Variants in PLPPR1 observed in about 807,000 individuals in gnomAD.
PLPPR1 encodes phospholipid phosphatase-related protein type 1.
In PLPPR1, 10 loss-of-function variants were observed where a neutral mutation model predicts 33.1. The ratio of observed to expected loss-of-function variants is 0.30; its 90% CI spans 0.19 to 0.51. PLPPR1 has a LOEUF of 0.51. PLPPR1 is among the 20% of genes least tolerant of loss of function. The pLI, the probability that PLPPR1 is intolerant of heterozygous loss-of-function variation, is 0.97. For synonymous variants in PLPPR1, 151 were observed against 151.0 expected, an observed-to-expected ratio of 1.00 and a Z score of 0.00; for missense variants, 304 against 408.1, an observed-to-expected ratio of 0.74 and a Z score of 2.20.
At chr9:101,264,185 TAA>T (rs1827947101) in intron 2 of PLPPR1, among the ~76,000 whole-genome samples, 1 of 152,150 alleles carries the variant, frequency 6.6e-6, no homozygotes, top group Non-Finnish European at 1.5e-5. Context: ...TCCAAATCCT[TAA>T]AGTGTGCTAT....
chr9:101,031,496 C>T (rs1267923787), intron 1 of PLPPR1, among the ~76,000 whole-genome samples: 1 of 152,186 alleles, frequency 6.6e-6, no homozygotes, highest in African/African-American at 2.4e-5. Flanking sequence ...GTATGCTGTA[C>T]ACTTCATCCC....
chr9:101,082,713 TCC>T (rs1437945005), intron 1 of PLPPR1, among the ~76,000 whole-genome samples: 1 of 152,190 alleles, frequency 6.6e-6, no homozygotes, highest in Non-Finnish European at 1.5e-5. Context: ...GATTTTCCAG[TCC>T]CATGTGTTAT....
intron 5 of PLPPR1, among the ~76,000 whole-genome samples, chr9:101,310,021 G>A (rs1051803298): frequency 2.0e-5 from 3 of 152,124 alleles, no homozygotes; most frequent in South Asian, 2.1e-4. Flanking sequence ...ACACCCCAGA[G>A]TATGTTTCTC....
chr9:101,084,537 G>T (rs910264441), intron 1 of PLPPR1, among the ~76,000 whole-genome samples: 4 of 152,192 alleles, frequency 2.6e-5, no homozygotes, highest in African/African-American at 9.6e-5. Context: ...TAAAGGAGAA[G>T]TAAAGTCTCT....
intron 1 of PLPPR1, among the ~76,000 whole-genome samples, chr9:101,054,310 C>A (rs73656431): frequency 6.6e-6 from 1 of 152,094 alleles, no homozygotes; most frequent in Admixed American, 6.5e-5. Context: ...AAACTTAATA[C>A]CCCAAGTAGC....
At chr9:101,273,973 T>C (rs1238704117) in intron 3 of PLPPR1, among the ~76,000 whole-genome samples, 1 of 152,210 alleles carries the variant, frequency 6.6e-6, no homozygotes, top group Non-Finnish European at 1.5e-5. Flanking sequence ...TTTTAAGATT[T>C]TCAGCAGAAG....
At chr9:101,303,820 G>A (rs980096021) in intron 4 of PLPPR1, among the ~76,000 whole-genome samples, 1 of 152,078 alleles carries the variant, frequency 6.6e-6, no homozygotes, top group Admixed American at 6.6e-5. Context: ...AAAATGTATA[G>A]AAGTTTTTAT....
intron 2 of PLPPR1, among the ~76,000 whole-genome samples, chr9:101,235,814 G>T (rs1469006443): frequency 2.0e-5 from 3 of 151,766 alleles, no homozygotes; most frequent in Non-Finnish European, 2.9e-5. Context: ...GCTCATCTTA[G>T]TGTGACTTAT....
chr9:101,159,617 A>G (rs1483282876), intron 1 of PLPPR1, among the ~76,000 whole-genome samples: 1 of 152,214 alleles, frequency 6.6e-6, no homozygotes, highest in Non-Finnish European at 1.5e-5. Flanking sequence ...ATGAAGGAAT[A>G]AGAGTTTGTA....
Position 101,286,122 on chromosome 9 carries a change from T to A in PLPPR1, c.271T>A (p.Ser91Thr), listed in dbSNP as rs1166917256. Residue 91 changes from serine to threonine, a missense_variant, in exon 4 of 8, where the codon TCC becomes ACC. Transcript: ENST00000374874. ...PTAIIFIGEI[S>T]MYFIKSTRES... ...TCCCTAGATTTTTATTGGTGAGATA[T>A]CCATGTATTTCATAAAATCAACAAG... The A allele has an allele frequency of 4.3e-6, 7 of 1,612,452 alleles. No individual in the cohort carries two copies. The highest frequency in any genetic ancestry group is 5.9e-6 in the Non-Finnish European group (7 of 1,178,740).
intron 1 of PLPPR1, among the ~76,000 whole-genome samples, chr9:101,155,064 A>G (rs1048336150): frequency 2.0e-5 from 3 of 152,080 alleles, no homozygotes; most frequent in Non-Finnish European, 4.4e-5. Context: ...TACATACGTA[A>G]CAAACCTGCA....
chr9:101,317,218 G>A, intron 6 of PLPPR1, 147 bp from the exon 7 acceptor site: 1 of 799,318 alleles, frequency 1.3e-6, no homozygotes, highest in Non-Finnish European at 2.0e-6. Flanking sequence ...CGTTTCCACA[G>A]CACTTCCCAT....
chr9:101,148,153 C>T (rs1474800941), intron 1 of PLPPR1, among the ~76,000 whole-genome samples: 2 of 152,100 alleles, frequency 1.3e-5, no homozygotes, highest in East Asian at 3.9e-4. Context: ...GTCTTCCATA[C>T]TCTCTCCTCT....
intron 1 of PLPPR1, among the ~76,000 whole-genome samples, chr9:101,040,217 C>T (rs764930632): frequency 5.3e-5 from 8 of 152,096 alleles, no homozygotes; most frequent in African/African-American, 9.7e-5. Context: ...ACTATTATCA[C>T]TATTAGTTAA....
intron 1 of PLPPR1, among the ~76,000 whole-genome samples, chr9:101,181,681 T>TAC (rs1044560993): frequency 1.4e-5 from 2 of 147,714 alleles, no homozygotes; most frequent in South Asian, 2.1e-4. Context: ...TATATGTATA[T>TAC]ACACACACAC....
At chr9:101,164,530 T>A (rs1825824842) in intron 1 of PLPPR1, among the ~76,000 whole-genome samples, 1 of 151,962 alleles carries the variant, frequency 6.6e-6, no homozygotes. Flanking sequence ...GGACAGCTAA[T>A]TTTTTTAATG....
chr9:101,189,617 G>T (rs1424033567), intron 2 of PLPPR1, among the ~76,000 whole-genome samples: 1 of 152,046 alleles, frequency 6.6e-6, no homozygotes, highest in African/African-American at 2.4e-5. Context: ...GACTTATTGT[G>T]TATCCTGAAT....
intron 1 of PLPPR1, among the ~76,000 whole-genome samples, chr9:101,155,620 A>G (rs189755092): frequency 0.011 from 1,572 of 139,412 alleles, 10 homozygotes; most frequent in Middle Eastern, 0.022. Context: ...TTTTTTTTAG[A>G]TGGAGTTTTG....
intron 2 of PLPPR1, among the ~76,000 whole-genome samples, chr9:101,207,578 T>C (rs1413484905): frequency 6.6e-6 from 1 of 152,128 alleles, no homozygotes. Flanking sequence ...AGAACCTAAG[T>C]GTCTTCTCCT....
Sources: gnomAD v4.1 joint callset for allele counts (sites outside exome capture counted in the v4.1 genomes callset) on GRCh38, gnomAD v4.1.1 for gene constraint, MANE v1.5 for transcripts, NCBI Gene and HGNC (gene_info 2026-07-23, HGNC 2026-07-21) for gene names.